The following LTBP1 variants were observed in gnomAD, a reference collection of about 807,000 sequenced individuals.
LTBP1 encodes latent transforming growth factor beta binding protein 1.
Under a neutral mutation model 207.6 loss-of-function variants are expected in LTBP1, and 129 were observed. The observed-to-expected ratio is 0.62, with a 90% CI of 0.54 to 0.72. The LOEUF is 0.72. LTBP1 is among the 30% of genes least tolerant of loss of function. The pLI, the probability that LTBP1 is intolerant of heterozygous loss-of-function variation, is 0.00. For synonymous variants in LTBP1, 963 were observed against 833.7 expected (o/e 1.16, Z -2.67); for missense variants, 2,281 against 2,217.2 (o/e 1.03, Z -0.58).
At chr2:33,206,386 G>A (rs2089877823) in intron 7 of LTBP1, among the ~76,000 whole-genome samples, 1 of 152,124 alleles carries the variant, frequency 6.6e-6, no homozygotes. Flanking sequence ...TGGTTCCTTT[G>A]ATTATCTCTT....
At chr2:33,354,975 A>G (rs895502231) in intron 26 of LTBP1, among the ~76,000 whole-genome samples, 1 of 152,080 alleles carries the variant, frequency 6.6e-6, no homozygotes, top group African/African-American at 2.4e-5. Flanking sequence ...TTATCTTCTT[A>G]ATACTACAAG....
At chr2:33,024,288 G>C (rs1241949823) in intron 3 of LTBP1, among the ~76,000 whole-genome samples, 1 of 152,168 alleles carries the variant, frequency 6.6e-6, no homozygotes, top group Non-Finnish European at 1.5e-5. Context: ...TAGCAGATAG[G>C]ACATGCTGGG....
rs2093397527 is a variant in LTBP1 at position 33,275,019 on chromosome 2, A to G, written c.2798A>G (p.Asn933Ser). The change falls in exon 17 of 34, where the codon AAC (asparagine) becomes AGC (serine). Residue 933 changes from asparagine to serine, a missense_variant. Asn to Ser is a conservative substitution (Grantham distance 46, BLOSUM62 1). This residue lies in a region of LTBP1 where 1,671 missense variants were observed against 1,634.8 expected (regional missense o/e 1.02). Transcript: ENST00000404816. ...CTCTGCTCCCAGGGCCGCTGTGAAAACACCGAGGGAAGTTTCTTGTGCATT... is the reference window on the plus strand; with the variant it reads ...CTCTGCTCCCAGGGCCGCTGTGAAAGCACCGAGGGAAGTTTCTTGTGCATT... ...QHLCSQGRCENTEGSFLCICP... is the reference protein window; with the variant it reads ...QHLCSQGRCESTEGSFLCICP... 1 of 1,614,000 alleles carries G rather than the reference A, an allele frequency of 6.2e-7. No homozygotes were observed.
At chr2:33,310,448 T>C (rs2094168029) in intron 23 of LTBP1, among the ~76,000 whole-genome samples, 2 of 152,192 alleles carry the variant, frequency 1.3e-5, no homozygotes, top group Admixed American at 1.3e-4. Context: ...GCTTCTTCAG[T>C]GTGCTGAGTA....
At chr2:33,372,660 G>A (rs537838557) in intron 31 of LTBP1, among the ~76,000 whole-genome samples, 2 of 152,210 alleles carry the variant, frequency 1.3e-5, no homozygotes, top group Non-Finnish European at 1.5e-5. Context: ...GATCACTTAA[G>A]GTCAGGAGTT....
In LTBP1 at chr2:33,246,801, G is replaced by A. The variant is rs146382168; in HGVS notation, c.1999+3017G>A. ...AACAATTTCACTTTCTCTCCTTGCC[G>A]CTTGCCTTGGCTTAGCCAAGCTAAA... On this transcript the variant is annotated intron_variant, in intron 10 of 33. Coordinates refer to ENST00000404816, the MANE Select transcript of LTBP1 (RefSeq NM_206943.4). 2.6e-3 allele frequency among the ~76,000 whole-genome samples: 389 copies of A among 152,266 alleles called. 5 individuals carry two copies. Among genetic ancestry groups the A allele is most frequent in the African/African-American group, 9.1e-3 (377 of 41,550 alleles).
chr2:33,042,909 C>G (rs996308403), intron 3 of LTBP1, among the ~76,000 whole-genome samples: 1 of 152,198 alleles, frequency 6.6e-6, no homozygotes, highest in African/African-American at 2.4e-5. Flanking sequence ...CCTCCTGTCT[C>G]TGACTTGCAG....
At position 33,121,564 on chromosome 2, in the gene LTBP1, A is replaced by G. The variant is rs551797470; in HGVS notation, c.1033+10813A>G. On this transcript the variant is annotated intron_variant, in intron 4 of 33. Transcript: ENST00000404816. ...CCCTTAATGGCTACAGGTGCATCTCATGAGTGCAACTGCTTCACTCAGATC... is the reference window on the plus strand; with the variant it reads ...CCCTTAATGGCTACAGGTGCATCTCGTGAGTGCAACTGCTTCACTCAGATC... Among the ~76,000 whole-genome samples, 5 of 151,968 alleles carry G rather than the reference A, an allele frequency of 3.3e-5. No homozygotes were observed. In the South Asian group the frequency reaches 8.4e-4, roughly 25 times the overall value.
intron 9 of LTBP1, among the ~76,000 whole-genome samples, chr2:33,240,243 G>A (rs1440205623): frequency 6.6e-6 from 1 of 152,006 alleles, no homozygotes; most frequent in African/African-American, 2.4e-5. Flanking sequence ...AGTATAAATA[G>A]AATTCTGCTT....
At chr2:33,303,352 CTTTTTTTTT>C (rs762959638) in intron 22 of LTBP1, among the ~76,000 whole-genome samples, 1 of 132,954 alleles carries the variant, frequency 7.5e-6, no homozygotes, top group Non-Finnish European at 1.6e-5. Flanking sequence ...GTTAGATTTT[CTTTTTTTTT>C]TTTTTTTGAG....
chr2:33,029,303 C>T (rs219209), intron 3 of LTBP1, among the ~76,000 whole-genome samples: 70,947 of 151,802 alleles, frequency 0.47, 18,971 homozygotes, highest in East Asian at 0.69. Flanking sequence ...ATGGTGAAAC[C>T]CCGTCTCTAC....
chr2:33,321,196 T>C (rs2149337575), intron 24 of LTBP1, among the ~76,000 whole-genome samples: 1 of 152,272 alleles, frequency 6.6e-6, no homozygotes, highest in African/African-American at 2.4e-5. Flanking sequence ...TTGTCACATC[T>C]AGCCTGAACT....
chr2:33,389,125 G>C, intron 31 of LTBP1, 59 bp from the exon 32 acceptor site: 1 of 1,609,416 alleles, frequency 6.2e-7, no homozygotes, highest in Non-Finnish European at 8.5e-7. Flanking sequence ...AGCTGCGAGG[G>C]GGTGGGGCAG....
intron 3 of LTBP1, among the ~76,000 whole-genome samples, chr2:33,043,328 A>G (rs976363153): frequency 4.6e-5 from 7 of 150,834 alleles, no homozygotes; most frequent in African/African-American, 7.3e-5. Context: ...TTTTTTTTTT[A>G]CTTATTAAAA....
At chr2:33,232,969 T>C (rs2091870659) in intron 9 of LTBP1, among the ~76,000 whole-genome samples, 1 of 152,166 alleles carries the variant, frequency 6.6e-6, no homozygotes, top group African/African-American at 2.4e-5. Flanking sequence ...AGATAATGTG[T>C]TTCTCTCTTT....
chr2:33,292,420 G>A (rs559284790), intron 19 of LTBP1, among the ~76,000 whole-genome samples: 2 of 152,202 alleles, frequency 1.3e-5, no homozygotes, highest in Admixed American at 6.5e-5. Context: ...TCTATGTGGC[G>A]TTGGGCTGGT....
intron 24 of LTBP1, among the ~76,000 whole-genome samples, chr2:33,327,116 G>A (rs1225369074): frequency 6.6e-6 from 1 of 152,140 alleles, no homozygotes; most frequent in East Asian, 1.9e-4. Flanking sequence ...AGGCCTTGGA[G>A]CCCACTCTCA....
intron 7 of LTBP1, among the ~76,000 whole-genome samples, chr2:33,204,750 G>A (rs142976567): frequency 6.6e-6 from 1 of 152,066 alleles, no homozygotes; most frequent in Non-Finnish European, 1.5e-5. Flanking sequence ...TGGCCATGGG[G>A]CAAGCCTCTT....
intron 3 of LTBP1, among the ~76,000 whole-genome samples, chr2:33,086,950 C>T (rs1039288582): frequency 4.0e-5 from 6 of 151,666 alleles, no homozygotes; most frequent in African/African-American, 7.3e-5. Context: ...TTTTAGCTTC[C>T]GTGGTTATAA....
Sources: gnomAD v4.1 joint callset for allele counts (sites outside exome capture counted in the v4.1 genomes callset) on GRCh38, gnomAD v4.1.1 for gene constraint, gnomAD v4.1.1 regional missense constraint, MANE v1.5 for transcripts, NCBI Gene and HGNC (gene_info 2026-07-23, HGNC 2026-07-21) for gene names.